The following TIMP2 variants were observed in gnomAD, a reference collection of about 807,000 sequenced individuals.
TIMP2 encodes metalloproteinase inhibitor 2.
A neutral mutation model predicts 24.3 loss-of-function variants in TIMP2; 5 were observed. The ratio of observed to expected loss-of-function variants is 0.21; its 90% CI spans 0.11 to 0.43. TIMP2 has a LOEUF of 0.43. Ranked by LOEUF, TIMP2 falls within the 20% of genes least tolerant of loss-of-function variation. The probability of loss-of-function intolerance (pLI) is 1.00; values close to 1 mark genes in which losing one functional copy is unlikely to be tolerated. For missense variants in TIMP2, 221 were observed against 297.5 expected, an observed-to-expected ratio of 0.74 and a Z score of 1.89; for synonymous variants, 130 against 123.2, an observed-to-expected ratio of 1.06 and a Z score of -0.37.
In TIMP2 at chr17:78,911,359, T is replaced by G. The variant is rs574226944; in HGVS notation, c.130+13600A>C. Among the ~76,000 whole-genome samples the G allele has an allele frequency of 2.0e-5, 3 of 152,290 alleles. No homozygotes were observed. The East Asian group carries it at 5.8e-4, about 29-fold the overall frequency. On this transcript the variant is annotated intron_variant, in intron 1 of 4. Coordinates refer to ENST00000262768, the MANE Select transcript of TIMP2 (RefSeq NM_003255.5). Reference sequence around the variant, plus strand: ...TTTCTCAGAAGCACTGTCCAGGATCTCAACATTCTAGAAGGGTCTAGGACA... The same window carrying G: ...TTTCTCAGAAGCACTGTCCAGGATCGCAACATTCTAGAAGGGTCTAGGACA...
At chr17:78,886,026 A>T (rs997688490) in intron 1 of TIMP2, among the ~76,000 whole-genome samples, 1 of 152,136 alleles carries the variant, frequency 6.6e-6, no homozygotes, top group Non-Finnish European at 1.5e-5. Flanking sequence ...TTGGGTGTGG[A>T]CATCCTGGAG....
Position 78,924,943 on chromosome 17 carries a change from G to A in TIMP2, c.130+16C>T. The A allele has an allele frequency of 8.0e-7, 1 of 1,249,316 alleles. No individual in the cohort carries two copies. The highest frequency in any genetic ancestry group is 1.0e-6 in the Non-Finnish European group (1 of 986,770). 77.4% of individuals were successfully genotyped at this position (1,249,316 alleles called of 1,614,324 possible). A position where few individuals can be genotyped will look rare whatever the true frequency, so the allele number is the denominator to read the frequency against. On this transcript the variant is annotated intron_variant, in intron 1 of 4. Coordinates refer to ENST00000262768, the MANE Select transcript of TIMP2 (RefSeq NM_003255.5). The surrounding 1 kb of genome is among the most constrained non-coding windows in gnomAD (Gnocchi z 5.3). ...AGGTGGGGCCCCGCGCGGGGGCTGG[G>A]GTCGCCGCTCCTTACCTACATCTGC...
chr17:78,881,098 C>A (rs917878528), intron 1 of TIMP2, among the ~76,000 whole-genome samples: 7 of 152,228 alleles, frequency 4.6e-5, no homozygotes, highest in African/African-American at 1.7e-4. Context: ...CTGCTAAATA[C>A]AAAGTCAAAA....
chr17:78,892,092 A>T lies in TIMP2; in HGVS notation c.131-18173T>A, dbSNP rs753134737. The T allele has an allele frequency of 4.5e-4, 696 of 1,551,800 alleles. 1 individual carries two copies. Among genetic ancestry groups the T allele is most frequent in the Non-Finnish European group, 5.3e-4 (606 of 1,147,850 alleles). ...CTGGCCCGTCCTCCTCCCCAGCCCA[A>T]CAGACGTGCTGACTGCAGCCTGTCC... On this transcript the variant is annotated intron_variant, in intron 1 of 4. Coordinates refer to ENST00000262768, the MANE Select transcript of TIMP2 (RefSeq NM_003255.5).
At chr17:78,859,056 T>A (rs1368447296) in intron 3 of TIMP2, among the ~76,000 whole-genome samples, 1 of 152,180 alleles carries the variant, frequency 6.6e-6, no homozygotes, top group Non-Finnish European at 1.5e-5. Context: ...TGTTTTGTTT[T>A]TCACAAAATA....
chr17:78,910,422 G>C (rs557987297), intron 1 of TIMP2, among the ~76,000 whole-genome samples: 4 of 152,022 alleles, frequency 2.6e-5, no homozygotes, highest in Non-Finnish European at 5.9e-5. Flanking sequence ...CAAACTCCTG[G>C]CCTCAGGTGA....
At chr17:78,898,656 C>G (rs548472489) in intron 1 of TIMP2, 2 of 152,344 alleles carry the variant, frequency 1.3e-5, no homozygotes, top group African/African-American at 4.8e-5. Flanking sequence ...GAGACCTGGC[C>G]ATGGTGCTGC....
chr17:78,890,287 C>T lies in TIMP2; in HGVS notation c.131-16368G>A, dbSNP rs184885340. Reference sequence around the variant, plus strand: ...TGCAATCTCGACTCACTGCAACCTCCGCCTCCCAGGTTCAAGTGATTCTCC... The same window carrying T: ...TGCAATCTCGACTCACTGCAACCTCTGCCTCCCAGGTTCAAGTGATTCTCC... On this transcript the variant is annotated intron_variant, in intron 1 of 4. Transcript: ENST00000262768. Among the ~76,000 whole-genome samples, 1,187 of 151,852 alleles carry T rather than the reference C, an allele frequency of 7.8e-3. 16 individuals carry two copies. Among genetic ancestry groups the T allele is most frequent in the Middle Eastern group, 0.01 (3 of 294 alleles).
At chr17:78,901,653 C>T in intron 1 of TIMP2, 1 of 707,608 alleles carries the variant, frequency 1.4e-6, no homozygotes, top group South Asian at 1.5e-5. Context: ...GGCCAAGCGA[C>T]TTCACTCTGG....
intron 1 of TIMP2, among the ~76,000 whole-genome samples, chr17:78,894,150 CG>C (rs2069961533): frequency 6.6e-6 from 1 of 152,108 alleles, no homozygotes; most frequent in Non-Finnish European, 1.5e-5. Flanking sequence ...GGCATGTATC[CG>C]TTCATCTTTT....
intron 1 of TIMP2, chr17:78,900,096 G>T (rs188544137): frequency 1.3e-5 from 2 of 152,218 alleles, no homozygotes; most frequent in Admixed American, 1.3e-4. Flanking sequence ...GAAATCCCTC[G>T]AGGGCTTTTA....
At position 78,919,745 on chromosome 17, in the gene TIMP2, G is replaced by A. The variant is rs190259351; in HGVS notation, c.130+5214C>T. 1.6e-3 allele frequency among the ~76,000 whole-genome samples: 247 copies of A among 152,280 alleles called. 3 individuals are homozygous for A. The East Asian group carries it at 0.042, about 26-fold the overall frequency. On this transcript the variant is annotated intron_variant, in intron 1 of 4. Coordinates refer to ENST00000262768, the MANE Select transcript of TIMP2 (RefSeq NM_003255.5). The stretch of plus-strand genomic sequence containing the variant: ...AGCTACTCGGGAGGCTGAGGCAGGA[G>A]AATGGCGTGAACCCGGGAGGCGGAG...
rs1803516698 is a variant in TIMP2 at position 78,854,299 on chromosome 17, C to T, written c.*1368G>A. The T allele has an allele frequency of 6.6e-6, 1 of 151,870 alleles. No homozygotes were observed. Among genetic ancestry groups the T allele is most frequent in the South Asian group, 2.1e-4 (1 of 4,816 alleles). 9.4% of individuals were successfully genotyped at this position (151,870 alleles called of 1,614,324 possible). A position where few individuals can be genotyped will look rare whatever the true frequency, so the allele number is the denominator to read the frequency against. On this transcript the variant is annotated 3_prime_UTR_variant, in exon 5 of 5. Transcript: ENST00000262768. ...CTTATCATTACCGAGAAAGTTCTTC[C>T]TATCCTAACCCCCATATCACTGGCT... is the stretch of plus-strand genomic sequence containing the variant.
chr17:78,909,983 GTGAGC>G (rs2070193622), intron 1 of TIMP2, among the ~76,000 whole-genome samples: 1 of 152,148 alleles, frequency 6.6e-6, no homozygotes, highest in African/African-American at 2.4e-5. Context: ...CCGTCCTTAT[GTGAGC>G]TGGGCTGGGC....
chr17:78,902,169 C>G (rs757278843), intron 1 of TIMP2, among the ~76,000 whole-genome samples: 1 of 152,124 alleles, frequency 6.6e-6, no homozygotes, highest in Non-Finnish European at 1.5e-5. Flanking sequence ...TGCAGTGGTG[C>G]GATCTCAGCT....
intron 1 of TIMP2, chr17:78,905,086 G>A (rs1042326504): frequency 1.1e-4 from 17 of 151,790 alleles, no homozygotes; most frequent in African/African-American, 4.1e-4. Context: ...GTTGCAGTGA[G>A]CCGAAATCGC....
chr17:78,906,367 C>CA (rs1056642766), intron 1 of TIMP2, among the ~76,000 whole-genome samples: 6 of 149,790 alleles, frequency 4.0e-5, no homozygotes, highest in Admixed American at 2.7e-4. Context: ...GGTCCTGCCT[C>CA]AAAAAAAAGA....
At chr17:78,887,611 A>C (rs1405587472) in intron 1 of TIMP2, among the ~76,000 whole-genome samples, 2 of 151,944 alleles carry the variant, frequency 1.3e-5, no homozygotes, top group Non-Finnish European at 2.9e-5. Flanking sequence ...CCTCGAACTC[A>C]TGACCTCAAG....
At chr17:78,862,141 T>C (rs142147084) in intron 3 of TIMP2, among the ~76,000 whole-genome samples, 207 of 152,310 alleles carry the variant, frequency 1.4e-3, no homozygotes, top group African/African-American at 4.8e-3. Flanking sequence ...GGGCCAACTC[T>C]GTATGAGTCT....
Sources: gnomAD v4.1 joint callset for allele counts (sites outside exome capture counted in the v4.1 genomes callset) on GRCh38, gnomAD v4.1.1 for gene constraint, Gnocchi (gnomAD v3.1) non-coding constraint, MANE v1.5 for transcripts, NCBI Gene and HGNC (gene_info 2026-07-23, HGNC 2026-07-21) for gene names.